Variants in GFRA2 observed in about 807,000 individuals in gnomAD.
The protein encoded by GFRA2 is GDNF family receptor alpha 2.
In GFRA2, 17 loss-of-function variants were observed where a neutral mutation model predicts 48.3. The observed-to-expected ratio is 0.35, with a 90% confidence interval of 0.24 to 0.53. The LOEUF is 0.53. GFRA2 is among the 20% of genes least tolerant of loss of function. GFRA2 has a pLI of 0.93. For missense variants in GFRA2, 660 were observed against 637.3 expected (o/e 1.04, Z -0.38); for synonymous variants, 305 against 257.2 (o/e 1.19, Z -1.78).
At position 21,693,169 on chromosome 8, in the gene GFRA2, CA is replaced by C; in HGVS notation, c.*108del. ...AGGTTCAGCGACAAGGTGGGAAAAA[CA>C]ATTTTTTTTTTGCAAGGTGTGTGTG... On this transcript the variant is annotated 3_prime_UTR_variant, in exon 9 of 9. Coordinates refer to ENST00000524240, the MANE Select transcript of GFRA2 (RefSeq NM_001495.5). 8.7e-7 allele frequency: 1 copy of C among 1,143,938 alleles called. No homozygotes were observed. Among genetic ancestry groups the C allele is most frequent in the South Asian group, 2.4e-5 (1 of 41,434 alleles). 70.9% of individuals were successfully genotyped at this position (1,143,938 alleles called of 1,614,324 possible). A position where few individuals can be genotyped will look rare whatever the true frequency, so the allele number is the denominator to read the frequency against.
chr8:21,749,021 T>G (rs1049833769), intron 4 of GFRA2, among the ~76,000 whole-genome samples: 6 of 152,210 alleles, frequency 3.9e-5, no homozygotes, highest in African/African-American at 4.8e-5. Context: ...GCCCCTCTCC[T>G]GTGCTCTCTC....
intron 3 of GFRA2, among the ~76,000 whole-genome samples, chr8:21,753,101 C>T (rs879395398): frequency 6.6e-6 from 1 of 152,214 alleles, no homozygotes; most frequent in South Asian, 2.1e-4. Context: ...TCCAAAGCCC[C>T]CCTTGGATTC....
At chr8:21,740,020 G>A (rs1297376473) in intron 4 of GFRA2, among the ~76,000 whole-genome samples, 1 of 152,174 alleles carries the variant, frequency 6.6e-6, no homozygotes, top group South Asian at 2.1e-4. Flanking sequence ...AGGACATGGC[G>A]GGTGGGACAT....
chr8:21,790,074 G>C (rs376688561), upstream of GFRA2: 3 of 985,240 alleles, frequency 3.0e-6, no homozygotes, highest in Admixed American at 6.1e-5. Context: ...GCTCACCGGC[G>C]TGTTTTAGTC....
chr8:21,812,025 C>T (rs142978678), intron 1 of GFRA2, among the ~76,000 whole-genome samples: 2 of 152,294 alleles, frequency 1.3e-5, no homozygotes, highest in East Asian at 3.9e-4. Context: ...CGCCATCCCG[C>T]ACTCCCCCCA....
Position 21,774,969 on chromosome 8 carries a change from T to C in GFRA2, c.439+3A>G. The C allele has an allele frequency of 6.4e-7, 1 of 1,553,462 alleles. No individual in the cohort carries two copies. Among genetic ancestry groups the C allele is most frequent in the Non-Finnish European group, 8.9e-7 (1 of 1,125,148 alleles). On this transcript the variant is annotated splice_donor_region_variant and intron_variant, in intron 3 of 8. Transcript: ENST00000524240. ...GGCCAAGTCCCAGTGCGAGCTCACT[T>C]ACCTGAGAAGATTGAAGCAAGCCTG...
chr8:21,757,742 T>C (rs1805648602), intron 3 of GFRA2, among the ~76,000 whole-genome samples: 1 of 152,208 alleles, frequency 6.6e-6, no homozygotes, highest in South Asian at 2.1e-4. Flanking sequence ...CCTCTGGTGA[T>C]CCGCCCGCTT....
chr8:21,809,818 C>G (rs1400235600), intron 1 of GFRA2, among the ~76,000 whole-genome samples: 3 of 152,056 alleles, frequency 2.0e-5, no homozygotes, highest in Admixed American at 2.0e-4. Flanking sequence ...CCCAATGGCA[C>G]CAGGGATGGG....
chr8:21,768,951 G>T (rs1806311019), intron 3 of GFRA2, among the ~76,000 whole-genome samples: 1 of 152,172 alleles, frequency 6.6e-6, no homozygotes. Context: ...TCCCAGCCAT[G>T]ATGCCACCAG....
At chr8:21,729,983 T>C (rs1804098788) in intron 4 of GFRA2, among the ~76,000 whole-genome samples, 1 of 151,664 alleles carries the variant, frequency 6.6e-6, no homozygotes. Context: ...CACCACACTC[T>C]GGGGAATTCA....
intron 1 of GFRA2, among the ~76,000 whole-genome samples, chr8:21,785,697 C>T (rs1342168600): frequency 4.6e-5 from 7 of 152,172 alleles, no homozygotes; most frequent in Admixed American, 2.6e-4. Flanking sequence ...CACCCCCACC[C>T]GAGTCACTTT....
intron 3 of GFRA2, among the ~76,000 whole-genome samples, chr8:21,765,864 A>T (rs974237371): frequency 2.6e-5 from 4 of 152,008 alleles, no homozygotes; most frequent in African/African-American, 7.3e-5. Context: ...CCATAAATTC[A>T]TCCCACTTCC....
chr8:21,770,755 G>A lies in GFRA2; in HGVS notation c.439+4217C>T, dbSNP rs752821878. ...GCCCAGTGGCGGTGAGGATGCCTCT[G>A]CCCAACCCGCCCAGTCCTCTTCATC... On this transcript the variant is annotated intron_variant, in intron 3 of 8. Coordinates refer to ENST00000524240, the MANE Select transcript of GFRA2 (RefSeq NM_001495.5). 2.0e-3 allele frequency among the ~76,000 whole-genome samples: 301 copies of A among 152,208 alleles called. 2 individuals carry two copies. Among genetic ancestry groups the A allele is most frequent in the Non-Finnish European group, 2.8e-3 (193 of 68,002 alleles).
chr8:21,710,399 A>C (rs369230019), intron 4 of GFRA2, among the ~76,000 whole-genome samples: 14 of 152,344 alleles, frequency 9.2e-5, no homozygotes, highest in Middle Eastern at 6.8e-3. Context: ...ATACAGAAGG[A>C]AAAACAGACC....
chr8:21,725,037 C>A (rs1175404060), intron 4 of GFRA2, among the ~76,000 whole-genome samples: 1 of 152,238 alleles, frequency 6.6e-6, no homozygotes, highest in African/African-American at 2.4e-5. Context: ...CACTGCAAAC[C>A]TTCCCCAAAC....
In GFRA2 at chr8:21,785,953, G is replaced by C. The variant is rs1272612966; in HGVS notation, c.40+2167C>G. ...GCTTCCTGCCAGGAAAAGGGCCCCA[G>C]GGCTGAAGTTTCCTAAACACCAACC... On this transcript the variant is annotated intron_variant, in intron 1 of 8. Coordinates refer to ENST00000524240, the MANE Select transcript of GFRA2 (RefSeq NM_001495.5). 1.5e-4 allele frequency among the ~76,000 whole-genome samples: 23 copies of C among 148,830 alleles called. No homozygotes were observed. The East Asian group carries it at 4.7e-3, about 30-fold the overall frequency.
intron 7 of GFRA2, among the ~76,000 whole-genome samples, chr8:21,697,598 C>G (rs1476283585): frequency 6.6e-6 from 1 of 152,134 alleles, no homozygotes; most frequent in Non-Finnish European, 1.5e-5. Flanking sequence ...AAATTCAGTG[C>G]CTCCCTGCCC....
intron 4 of GFRA2, among the ~76,000 whole-genome samples, chr8:21,735,877 A>G (rs1184472089): frequency 6.6e-6 from 1 of 151,964 alleles, no homozygotes; most frequent in Non-Finnish European, 1.5e-5. Context: ...TCACTATGTT[A>G]CCCAGGGCTG....
intron 2 of GFRA2, among the ~76,000 whole-genome samples, chr8:21,798,889 T>C (rs1288420508): frequency 2.6e-5 from 4 of 152,214 alleles, no homozygotes; most frequent in African/African-American, 9.6e-5. Flanking sequence ...TTAGCTCTTC[T>C]TGCACTCTGT....
Sources: allele counts gnomAD v4.1 joint callset (sites outside exome capture counted in the v4.1 genomes callset), GRCh38; gene constraint gnomAD v4.1.1; transcripts MANE v1.5; gene names NCBI Gene and HGNC (gene_info 2026-07-23, HGNC 2026-07-21).